C10orf90: variants seen among roughly 807,000 people sequenced by gnomAD.
C10orf90 encodes the protein chromosome 10 open reading frame 90.
Under a neutral mutation model 62.5 loss-of-function variants are expected in C10orf90, and 56 were observed. The observed-to-expected ratio is 0.90, with a 90% CI of 0.72 to 1.12. C10orf90 has a LOEUF of 1.12. Ranked by LOEUF, C10orf90 falls within the 50% of genes most tolerant of loss-of-function variation. C10orf90 has a pLI of 0.00. For synonymous variants in C10orf90, 386 were observed against 340.4 expected (o/e 1.13, Z -1.47); for missense variants, 970 against 880.4 (o/e 1.10, Z -1.29).
At chr10:126,440,853 T>C (rs1265680044) in intron 7 of C10orf90, among the ~76,000 whole-genome samples, 1 of 152,070 alleles carries the variant, frequency 6.6e-6, no homozygotes, top group African/African-American at 2.4e-5. Context: ...GAGTACTACA[T>C]CAAGGGAACA....
intron 4 of C10orf90, among the ~76,000 whole-genome samples, chr10:126,484,690 C>T (rs952575335): frequency 2.0e-5 from 3 of 152,142 alleles, no homozygotes; most frequent in Non-Finnish European, 4.4e-5. Flanking sequence ...ATGTTCATAT[C>T]ATTTACCTAA....
At chr10:126,519,475 C>T (rs1053858421) in intron 2 of C10orf90, among the ~76,000 whole-genome samples, 1 of 152,172 alleles carries the variant, frequency 6.6e-6, no homozygotes, top group Admixed American at 6.5e-5. Context: ...AATAATTACA[C>T]TTACTCTCCT....
intron 4 of C10orf90, among the ~76,000 whole-genome samples, chr10:126,475,084 G>T (rs183433043): frequency 1.3e-3 from 198 of 152,330 alleles, no homozygotes; most frequent in African/African-American, 4.5e-3. Context: ...CACCTGTGCT[G>T]AGCAGTCCAA....
chr10:126,440,822 A>C (rs944262540), intron 7 of C10orf90, among the ~76,000 whole-genome samples: 2 of 152,172 alleles, frequency 1.3e-5, no homozygotes, highest in African/African-American at 4.8e-5. Flanking sequence ...TCAGGAAGCC[A>C]CATTCATAGG....
intron 5 of C10orf90, among the ~76,000 whole-genome samples, chr10:126,463,730 C>T (rs540873752): frequency 6.6e-6 from 1 of 152,366 alleles, no homozygotes; most frequent in South Asian, 2.1e-4. Context: ...GCAAAGATGC[C>T]TCTGCACAGT....
intron 4 of C10orf90, among the ~76,000 whole-genome samples, chr10:126,467,640 T>C (rs1039035428): frequency 2.0e-5 from 3 of 152,160 alleles, no homozygotes; most frequent in African/African-American, 7.2e-5. Context: ...TAGGCCATCA[T>C]GAATGTCCTT....
At chr10:126,650,696 T>C (rs1846274314) in intron 1 of C10orf90, among the ~76,000 whole-genome samples, 1 of 152,228 alleles carries the variant, frequency 6.6e-6, no homozygotes. Flanking sequence ...AAAGCTCTGA[T>C]ATTCACATGA....
At chr10:126,537,923 C>G (rs1315720083) in intron 2 of C10orf90, among the ~76,000 whole-genome samples, 1 of 152,094 alleles carries the variant, frequency 6.6e-6, no homozygotes, top group South Asian at 2.1e-4. Context: ...TGGGCCCTAA[C>G]CCAATGTGAC....
intron 7 of C10orf90, among the ~76,000 whole-genome samples, chr10:126,437,687 A>G (rs183608138): frequency 1.7e-3 from 257 of 152,362 alleles, no homozygotes; most frequent in Admixed American, 4.6e-3. Context: ...TATACTAAAA[A>G]AGCTTCATTA....
intron 2 of C10orf90, among the ~76,000 whole-genome samples, chr10:126,592,130 A>G (rs1844992288): frequency 6.6e-6 from 1 of 152,238 alleles, no homozygotes; most frequent in African/African-American, 2.4e-5. Flanking sequence ...GCCCAAAGTA[A>G]TTTATAGATT....
intron 2 of C10orf90, among the ~76,000 whole-genome samples, chr10:126,564,732 T>C (rs1844261958): frequency 7.1e-6 from 1 of 140,154 alleles, no homozygotes; most frequent in Admixed American, 8.1e-5. Flanking sequence ...CTGAGTGTCC[T>C]TCACTCATCC....
At chr10:126,509,737 T>C (rs1056533176) in intron 3 of C10orf90, among the ~76,000 whole-genome samples, 8 of 152,174 alleles carry the variant, frequency 5.3e-5, no homozygotes, top group African/African-American at 1.9e-4. Context: ...ACTGGCGGAC[T>C]CTTTGCTCTT....
At position 126,480,563 on chromosome 10, in the gene C10orf90, C is replaced by T. The variant is rs376269327; in HGVS notation, c.1535-15577G>A. ...TCTCTGCCTGGAGATGAAGGTTGTC[C>T]CCAGGGACTGGTGAACATACAGCGG... On this transcript the variant is annotated intron_variant, in intron 4 of 9. Coordinates refer to ENST00000488181, the MANE Select transcript of C10orf90 (RefSeq NM_001350921.2). Among the ~76,000 whole-genome samples the T allele has an allele frequency of 2.1e-4, 32 of 152,334 alleles. No homozygotes were observed. In the East Asian group the frequency reaches 5.0e-3, roughly 24 times the overall value.
intron 2 of C10orf90, among the ~76,000 whole-genome samples, chr10:126,604,324 A>G (rs57374466): frequency 0.045 from 6,808 of 152,220 alleles, 472 homozygotes; most frequent in African/African-American, 0.15. Context: ...AACAACCATC[A>G]CCAAAAAAAT....
Position 126,504,415 on chromosome 10 carries a change from TC to T in C10orf90, c.1075del (p.Asp359IlefsTer6). On this transcript the variant is annotated frameshift_variant, in exon 4 of 10. Transcript: ENST00000488181. LOFTEE classifies it high-confidence loss of function. This position sits in a 1 kb window ranked among gnomAD's most constrained non-coding sequence, Gnocchi z 4.1. ...AGACTTGTCTACGTAATAGATTGAA[TC>T]TGGACACTGCTGAGACACCCTGAGG... Reference protein sequence around the residue: ...VHLRVSQQCPDSIYYVDKSLS... With the variant: ...VHLRVSQQCPXSIYYVDKSLS... The T allele has an allele frequency of 6.2e-7, 1 of 1,614,130 alleles. No individual in the cohort carries two copies. Among genetic ancestry groups the T allele is most frequent in the Non-Finnish European group, 8.5e-7 (1 of 1,180,018 alleles).
At position 126,504,156 on chromosome 10, in the gene C10orf90, T is replaced by A. The variant is rs1862566676; in HGVS notation, c.1335A>T (p.Pro445=). 2 of 1,614,016 alleles carry A rather than the reference T, an allele frequency of 1.2e-6. No homozygotes were observed. Among genetic ancestry groups the A allele is most frequent in the African/African-American group, 2.7e-5 (2 of 74,920 alleles). Reference sequence around the variant, plus strand: ...TCCCCAAATGCACCCGCCTCAACGATGGGGTTTCCTTCAAGTGACTTTCTT... The same window carrying A: ...TCCCCAAATGCACCCGCCTCAACGAAGGGGTTTCCTTCAAGTGACTTTCTT... ...GLQESHLKET[P]SLRRVHLGTG... The change falls in exon 4 of 10, where the codon CCA becomes CCT. Residue 445 remains proline (P), a synonymous_variant. Coordinates refer to ENST00000488181, the MANE Select transcript of C10orf90 (RefSeq NM_001350921.2). This position sits in a 1 kb window ranked among gnomAD's most constrained non-coding sequence, Gnocchi z 4.1.
At chr10:126,643,852 C>T (rs1397593534) in intron 2 of C10orf90, among the ~76,000 whole-genome samples, 4 of 152,210 alleles carry the variant, frequency 2.6e-5, no homozygotes, top group Non-Finnish European at 5.9e-5. Context: ...AGCATGGAAA[C>T]ACGGGCTCTA....
At chr10:126,608,424 A>G (rs1278389309) in intron 2 of C10orf90, among the ~76,000 whole-genome samples, 19 of 152,170 alleles carry the variant, frequency 1.2e-4, no homozygotes, top group Admixed American at 1.2e-3. Flanking sequence ...AATGTATTTA[A>G]TATCACTGAA....
chr10:126,616,334 G>T (rs1845540825), intron 2 of C10orf90, among the ~76,000 whole-genome samples: 1 of 152,208 alleles, frequency 6.6e-6, no homozygotes, highest in Non-Finnish European at 1.5e-5. Context: ...GCTGTCCTAG[G>T]AGAAAGGTTT....
Sources: allele counts gnomAD v4.1 joint callset (sites outside exome capture counted in the v4.1 genomes callset), GRCh38; gene constraint gnomAD v4.1.1; non-coding constraint Gnocchi (gnomAD v3.1); transcripts MANE v1.5; gene names NCBI Gene and HGNC (gene_info 2026-07-23, HGNC 2026-07-21).